Variants in GRIA1 observed in about 807,000 individuals in gnomAD.
GRIA1 encodes the protein glutamate ionotropic receptor AMPA type subunit 1.
GRIA1 carries 31 observed loss-of-function variants against 99.2 expected under a neutral mutation model. The observed-to-expected ratio is 0.31, with a 90% CI of 0.23 to 0.42. GRIA1 has a LOEUF of 0.42. GRIA1 is among the 10% of genes least tolerant of loss of function. The pLI, the probability that GRIA1 is intolerant of heterozygous loss-of-function variation, is 1.00. For synonymous variants in GRIA1, 438 were observed against 432.4 expected, an observed-to-expected ratio of 1.01 and a Z score of -0.16; for missense variants, 782 against 1,157.5, an observed-to-expected ratio of 0.68 and a Z score of 4.71.
chr5:153,678,488 C>T (rs997017815), intron 7 of GRIA1, among the ~76,000 whole-genome samples: 1 of 152,128 alleles, frequency 6.6e-6, no homozygotes, highest in Admixed American at 6.5e-5. Context: ...CAGGGTGGCT[C>T]CCAAGTCACT....
chr5:153,716,342 C>T (rs533198454), intron 11 of GRIA1, among the ~76,000 whole-genome samples: 1 of 152,346 alleles, frequency 6.6e-6, no homozygotes, highest in South Asian at 2.1e-4. Flanking sequence ...TGACACACAG[C>T]TGTCTTCCAA....
At chr5:153,612,781 A>G (rs1766109343) in intron 2 of GRIA1, among the ~76,000 whole-genome samples, 1 of 152,200 alleles carries the variant, frequency 6.6e-6, no homozygotes, top group Non-Finnish European at 1.5e-5. Flanking sequence ...CAAGCTTCGT[A>G]GGATACCCAG....
rs147097438 is a variant in GRIA1 at position 153,628,249 on chromosome 5, G to A, written c.221-18679G>A. Among the ~76,000 whole-genome samples the A allele has an allele frequency of 5.0e-3, 755 of 152,308 alleles. 5 individuals carry two copies. Among genetic ancestry groups the A allele is most frequent in the African/African-American group, 0.017 (707 of 41,562 alleles). ...GGAATGAGAGATAGAGCAGTGATGA[G>A]ATTCTGCTCATCACAGGGGAGTTGG... On this transcript the variant is annotated intron_variant, in intron 2 of 15. Coordinates refer to ENST00000285900, the MANE Select transcript of GRIA1 (RefSeq NM_000827.4).
In GRIA1 at chr5:153,804,495, C is replaced by T. The variant is rs903153261; in HGVS notation, c.2520+2005C>T. Among the ~76,000 whole-genome samples the T allele has an allele frequency of 1.4e-4, 21 of 152,238 alleles. 1 individual carries two copies. The highest frequency in any genetic ancestry group is 5.1e-4 in the African/African-American group (21 of 41,550). On this transcript the variant is annotated intron_variant, in intron 15 of 15. Transcript: ENST00000285900. Reference sequence around the variant, plus strand: ...TAGGGGAGCTACAACCTGTACCATCCCTCAAAACCTTCTCTATAGACCATG... The same window carrying T: ...TAGGGGAGCTACAACCTGTACCATCTCTCAAAACCTTCTCTATAGACCATG...
At chr5:153,508,865 TA>T (rs35649390) in intron 2 of GRIA1, among the ~76,000 whole-genome samples, 87,382 of 151,990 alleles carry the variant, frequency 0.57, 26,926 homozygotes, top group East Asian at 0.87. Flanking sequence ...TAGGATAGGT[TA>T]AGGCTAAACT....
chr5:153,502,165 C>T (rs995247289), intron 2 of GRIA1, among the ~76,000 whole-genome samples: 10 of 152,150 alleles, frequency 6.6e-5, no homozygotes, highest in East Asian at 3.8e-4. Flanking sequence ...GCAATGGTCA[C>T]GCTTATCCCC....
chr5:153,500,318 A>G (rs963828601), intron 2 of GRIA1, among the ~76,000 whole-genome samples: 1 of 152,048 alleles, frequency 6.6e-6, no homozygotes, highest in Non-Finnish European at 1.5e-5. Context: ...ATCACCTTCT[A>G]TGGGGATATG....
chr5:153,530,895 G>A (rs556405867), intron 2 of GRIA1, among the ~76,000 whole-genome samples: 1 of 152,348 alleles, frequency 6.6e-6, no homozygotes, highest in Non-Finnish European at 1.5e-5. Context: ...TGTGCCAGGA[G>A]CTGGCTATGC....
chr5:153,640,917 T>TC (rs1326446808), intron 2 of GRIA1, among the ~76,000 whole-genome samples: 25 of 152,302 alleles, frequency 1.6e-4, no homozygotes, highest in African/African-American at 5.5e-4. Context: ...GTTTAAGGGC[T>TC]TTGGGATGAT....
chr5:153,677,056 G>A lies in GRIA1; in HGVS notation c.924G>A (p.Arg308=). ...KVMAEAFQSL[R]RQRIDISRRG... The stretch of plus-strand genomic sequence containing the variant: ...TGGCTGAGGCTTTCCAGAGCCTGCG[G>A]AGGCAGAGAATTGATATATCTCGCC... The change falls in exon 7 of 16, where the codon CGG becomes CGA. Residue 308 remains arginine (R), a synonymous_variant. Transcript: ENST00000285900. The A allele has an allele frequency of 5.1e-6, 8 of 1,581,346 alleles. No homozygotes were observed. The highest frequency in any genetic ancestry group is 6.9e-6 in the Non-Finnish European group (8 of 1,160,664).
chr5:153,683,911 C>G (rs1160998671), intron 7 of GRIA1, among the ~76,000 whole-genome samples: 1 of 152,196 alleles, frequency 6.6e-6, no homozygotes, highest in African/African-American at 2.4e-5. Flanking sequence ...ATGAGCAGAG[C>G]ACAACCTGGG....
At chr5:153,776,221 G>C (rs1764243782) in intron 13 of GRIA1, among the ~76,000 whole-genome samples, 1 of 152,126 alleles carries the variant, frequency 6.6e-6, no homozygotes, top group Admixed American at 6.5e-5. Flanking sequence ...GAGTTACAAC[G>C]GGATGCAGAC....
At chr5:153,725,691 T>C (rs1760468866) in intron 11 of GRIA1, among the ~76,000 whole-genome samples, 1 of 107,210 alleles carries the variant, frequency 9.3e-6, no homozygotes, top group Non-Finnish European at 1.8e-5. Context: ...AAGAGCTAAC[T>C]ATCCTAAATA....
At chr5:153,698,193 A>G (rs1758254013) in intron 9 of GRIA1, 39 bp downstream of exon 9, 1 of 1,130,254 alleles carries the variant, frequency 8.8e-7, no homozygotes, top group Non-Finnish European at 1.3e-6. Context: ...CTTGGGATTC[A>G]AGCTAGGCCA....
intron 8 of GRIA1, among the ~76,000 whole-genome samples, chr5:153,691,747 T>C (rs1757776516): frequency 6.6e-6 from 1 of 152,172 alleles, no homozygotes; most frequent in Non-Finnish European, 1.5e-5. Flanking sequence ...TCTCTCCATT[T>C]CTACTGCTGA....
In GRIA1 at chr5:153,763,450, C is replaced by T. The variant is rs767429085; in HGVS notation, c.1824-984C>T. 3.9e-5 allele frequency among the ~76,000 whole-genome samples: 6 copies of T among 152,250 alleles called. No homozygotes were observed. In the South Asian group the frequency reaches 6.2e-4, roughly 16 times the overall value. ...GAGGCTGTCAGAGCACTTGTCAGAA[C>T]GGGCTTAAAGGTACAGGGGCTCCAG... On this transcript the variant is annotated intron_variant, in intron 11 of 15. Coordinates refer to ENST00000285900, the MANE Select transcript of GRIA1 (RefSeq NM_000827.4).
intron 2 of GRIA1, among the ~76,000 whole-genome samples, chr5:153,628,046 G>C (rs1300937964): frequency 6.6e-6 from 1 of 152,208 alleles, no homozygotes; most frequent in African/African-American, 2.4e-5. Flanking sequence ...TAAGCAGCTT[G>C]CTTTAGGTGT....
intron 7 of GRIA1, among the ~76,000 whole-genome samples, chr5:153,683,208 C>T (rs982617367): frequency 6.6e-6 from 1 of 152,210 alleles, no homozygotes; most frequent in East Asian, 1.9e-4. Context: ...GTCTCTGAGT[C>T]CTGACTCTCC....
At chr5:153,678,166 A>T (rs962888296) in intron 7 of GRIA1, among the ~76,000 whole-genome samples, 9 of 152,208 alleles carry the variant, frequency 5.9e-5, no homozygotes, top group African/African-American at 2.2e-4. Context: ...ATTCAGCAGA[A>T]GATGAATTTG....
Sources: allele counts gnomAD v4.1 joint callset (sites outside exome capture counted in the v4.1 genomes callset), GRCh38; gene constraint gnomAD v4.1.1; transcripts MANE v1.5; gene names NCBI Gene and HGNC (gene_info 2026-07-23, HGNC 2026-07-21).